Variants in STXBP5L observed in about 807,000 individuals in gnomAD.
STXBP5L encodes syntaxin binding protein 5L, also known as syntaxin-binding protein 5-like.
A neutral mutation model predicts 144.5 loss-of-function variants in STXBP5L; 65 were observed. The ratio of observed to expected loss-of-function variants is 0.45; its 90% CI spans 0.37 to 0.55. The LOEUF (loss-of-function observed/expected upper bound fraction) is 0.55, where lower values mean the gene tolerates loss of function less well. Among genes scored for constraint, STXBP5L ranks in the 20% least tolerant of loss-of-function variants. The pLI is 0.00. For synonymous variants in STXBP5L, 505 were observed against 469.6 expected, an observed-to-expected ratio of 1.08 and a Z score of -0.97; for missense variants, 1,298 against 1,405.5, an observed-to-expected ratio of 0.92 and a Z score of 1.22.
chr3:121,152,335 AC>A (rs1337860506), intron 7 of STXBP5L, 141 bp from the exon 8 acceptor site: 1 of 577,314 alleles, frequency 1.7e-6, no homozygotes, highest in Non-Finnish European at 2.9e-6. Context: ...AATGTAGAAA[AC>A]CTATATTCAA....
intron 3 of STXBP5L, among the ~76,000 whole-genome samples, chr3:120,994,707 CT>C (rs902598462): frequency 2.8e-4 from 43 of 151,858 alleles, no homozygotes; most frequent in African/African-American, 1.0e-3. Flanking sequence ...ATTTTTGCAT[CT>C]TTTTTCATCA....
chr3:121,148,574 G>A (rs1422536081), intron 7 of STXBP5L, among the ~76,000 whole-genome samples: 1 of 152,064 alleles, frequency 6.6e-6, no homozygotes, highest in Non-Finnish European at 1.5e-5. Context: ...ATGAGACAAA[G>A]ATGGCTATGA....
At chr3:120,913,680 A>G (rs1250891637) in intron 2 of STXBP5L, among the ~76,000 whole-genome samples, 1 of 151,938 alleles carries the variant, frequency 6.6e-6, no homozygotes, top group Non-Finnish European at 1.5e-5. Context: ...CATATCTACA[A>G]CTTTCAGTTT....
chr3:121,418,582 C>T (rs1307395756), intron 26 of STXBP5L, 25 bp downstream of exon 26: 4 of 1,604,858 alleles, frequency 2.5e-6, no homozygotes, highest in Middle Eastern at 1.8e-4. Flanking sequence ...TAAATACAGA[C>T]ATCTTCATAC....
chr3:121,181,423 A>T (rs931538135), intron 9 of STXBP5L, among the ~76,000 whole-genome samples: 2 of 152,214 alleles, frequency 1.3e-5, no homozygotes, highest in South Asian at 4.1e-4. Flanking sequence ...AAGATACAAA[A>T]TGGCAGAATG....
chr3:120,986,756 C>A (rs1942323694), intron 3 of STXBP5L, among the ~76,000 whole-genome samples: 1 of 151,438 alleles, frequency 6.6e-6, no homozygotes, highest in East Asian at 1.9e-4. Context: ...AAAGAAATAG[C>A]AAACAAAAAA....
intron 2 of STXBP5L, among the ~76,000 whole-genome samples, chr3:120,952,018 A>C (rs1395890192): frequency 3.3e-5 from 5 of 151,732 alleles, no homozygotes; most frequent in Non-Finnish European, 1.5e-5. Context: ...ACATGGATGA[A>C]ACTGGAAATC....
At position 120,986,662 on chromosome 3, in the gene STXBP5L, T is replaced by A. The variant is rs532078760; in HGVS notation, c.287+31625T>A. Among the ~76,000 whole-genome samples, 3 of 152,070 alleles carry A rather than the reference T, an allele frequency of 2.0e-5. No homozygotes were observed. The South Asian group carries it at 6.2e-4, about 32-fold the overall frequency. ...TGTCTAATATTAGTATAGACACACC[T>A]GTTCTGATAACATGTTGAAAAAACT... On this transcript the variant is annotated intron_variant, in intron 3 of 26. Transcript: ENST00000471454.
At chr3:121,028,699 TA>T (rs1334289566) in intron 3 of STXBP5L, among the ~76,000 whole-genome samples, 1 of 151,892 alleles carries the variant, frequency 6.6e-6, no homozygotes, top group African/African-American at 2.4e-5. Context: ...GCAAAGAAAA[TA>T]AAAGAAAACC....
At chr3:120,918,089 C>G (rs1236670321) in intron 2 of STXBP5L, among the ~76,000 whole-genome samples, 1 of 152,128 alleles carries the variant, frequency 6.6e-6, no homozygotes, top group African/African-American at 2.4e-5. Context: ...GCCGATGGCC[C>G]CCTCCCATCT....
At chr3:121,181,468 T>A (rs1559832474) in intron 9 of STXBP5L, among the ~76,000 whole-genome samples, 1 of 152,260 alleles carries the variant, frequency 6.6e-6, no homozygotes, top group Non-Finnish European at 1.5e-5. Context: ...GCGCAGTGGC[T>A]AACGCCTGTA....
At chr3:121,158,731 T>C (rs1213482566) in intron 9 of STXBP5L, 1 of 152,234 alleles carries the variant, frequency 6.6e-6, no homozygotes, top group Admixed American at 6.5e-5. Context: ...CACCCCCAGC[T>C]AACCCCCAAT....
At chr3:121,134,024 C>G (rs1046915623) in intron 7 of STXBP5L, among the ~76,000 whole-genome samples, 1 of 152,136 alleles carries the variant, frequency 6.6e-6, no homozygotes, top group African/African-American at 2.4e-5. Context: ...AGAGCCAAAC[C>G]ATATCAGCTC....
At chr3:121,014,760 C>G (rs1341229117) in intron 3 of STXBP5L, among the ~76,000 whole-genome samples, 1 of 151,902 alleles carries the variant, frequency 6.6e-6, no homozygotes, top group Non-Finnish European at 1.5e-5. Context: ...ATTTGCAGAT[C>G]TACATATTGA....
intron 20 of STXBP5L, among the ~76,000 whole-genome samples, chr3:121,359,372 G>C (rs572552097): frequency 1.3e-5 from 2 of 152,182 alleles, no homozygotes; most frequent in East Asian, 3.9e-4. Flanking sequence ...TATCAGAGGG[G>C]TAGTTTGAAA....
intron 20 of STXBP5L, among the ~76,000 whole-genome samples, chr3:121,319,855 G>A (rs1300190057): frequency 6.6e-6 from 1 of 152,136 alleles, no homozygotes; most frequent in Non-Finnish European, 1.5e-5. Context: ...AGTGGCTCAT[G>A]CCTGTAATCC....
At chr3:121,412,704 G>T (rs1440614019) in intron 23 of STXBP5L, among the ~76,000 whole-genome samples, 1 of 24,912 alleles carries the variant, frequency 4.0e-5, no homozygotes, top group African/African-American at 1.8e-4. Context: ...TATTTCTGAT[G>T]AAAATAAAGT....
At chr3:121,252,065 T>G (rs1162816981) in intron 15 of STXBP5L, among the ~76,000 whole-genome samples, 1 of 152,064 alleles carries the variant, frequency 6.6e-6, no homozygotes, top group Admixed American at 6.6e-5. Context: ...TTTTTGGCTT[T>G]TAAAATGTGG....
chr3:121,352,747 C>T (rs1233592181), intron 20 of STXBP5L, among the ~76,000 whole-genome samples: 1 of 151,936 alleles, frequency 6.6e-6, no homozygotes, highest in Non-Finnish European at 1.5e-5. Flanking sequence ...AGAGGGTATC[C>T]TTGTCTTGTG....
Sources: allele counts gnomAD v4.1 joint callset (sites outside exome capture counted in the v4.1 genomes callset), GRCh38; gene constraint gnomAD v4.1.1; transcripts MANE v1.5; gene names NCBI Gene and HGNC (gene_info 2026-07-23, HGNC 2026-07-21).